CDCA5: variants seen among roughly 807,000 people sequenced by gnomAD.
The protein encoded by CDCA5 is sororin.
In CDCA5, 14 loss-of-function variants were observed where a neutral mutation model predicts 25.7. The ratio of observed to expected loss-of-function variants is 0.54; its 90% CI spans 0.36 to 0.85. CDCA5 has a LOEUF of 0.85. CDCA5 is among the 40% of genes least tolerant of loss of function. The pLI is 0.01. For synonymous variants in CDCA5, 127 were observed against 128.7 expected (o/e 0.99, Z 0.09); for missense variants, 307 against 324.5 (o/e 0.95, Z 0.41).
At chr11:65,068,456 C>T in intron 2 of CDCA5, 4 of 1,206,032 alleles carry the variant, frequency 3.3e-6, no homozygotes, top group Non-Finnish European at 4.4e-6. Context: ...CCCCTGCCCA[C>T]TGCCTTAGGA....
chr11:65,083,444 T>G (rs1433036970), intron 3 of CDCA5, 41 bp downstream of exon 3: 37 of 1,614,026 alleles, frequency 2.3e-5, no homozygotes, highest in Non-Finnish European at 2.7e-5. Flanking sequence ...GTCCCCAGTT[T>G]TGCCCGCCTA....
At chr11:65,079,241 A>G (rs1590797318) in intron 5 of CDCA5, 54 bp from the exon 6 acceptor site, 1 of 1,576,246 alleles carries the variant, frequency 6.3e-7, no homozygotes, top group Admixed American at 1.9e-5. Flanking sequence ...TGGTGGCTGG[A>G]GCATCTCACC....
At chr11:65,064,003 A>G (rs1227660518), downstream of CDCA5, among the ~76,000 whole-genome samples, 1 of 152,188 alleles carries the variant, frequency 6.6e-6, no homozygotes, top group African/African-American at 2.4e-5. Context: ...CGAATCTATA[A>G]GCACTTCTGT....
downstream of CDCA5, among the ~76,000 whole-genome samples, chr11:65,075,060 C>T (rs1474616097): frequency 1.7e-5 from 1 of 59,220 alleles, no homozygotes; most frequent in South Asian, 5.7e-4. Flanking sequence ...GAAACTCCGT[C>T]TCAAAAAAAA....
chr11:65,070,655 T>C (rs1284784797), intron 1 of CDCA5, among the ~76,000 whole-genome samples: 1 of 152,006 alleles, frequency 6.6e-6, no homozygotes, highest in African/African-American at 2.4e-5. Flanking sequence ...CTAATTTGTG[T>C]ATTTTTTGTA....
rs773750589 is a variant in CDCA5 at position 65,079,515 on chromosome 11, C to G, written c.516G>C (p.Leu172=). Reference sequence around the variant, plus strand: ...AGACTCCGGACAAGTCTTCTGCCCCCAGCAGCCCCTCGAAGCCAAAGCAGG... The same window carrying G: ...AGACTCCGGACAAGTCTTCTGCCCCGAGCAGCCCCTCGAAGCCAAAGCAGG... The part of the protein sequence containing the change: ...RRSCFGFEGL[L]GAEDLSGVSP... The change falls in exon 5 of 6, where the codon CTG becomes CTC. Residue 172 remains leucine (L), a synonymous_variant. Transcript: ENST00000275517. 2.5e-6 allele frequency: 4 copies of G among 1,614,208 alleles called. No homozygotes were observed. The highest frequency in any genetic ancestry group is 3.4e-6 in the Non-Finnish European group (4 of 1,180,030).
downstream of CDCA5, among the ~76,000 whole-genome samples, chr11:65,076,954 A>G (rs1947457928): frequency 6.6e-6 from 1 of 152,132 alleles, no homozygotes; most frequent in Non-Finnish European, 1.5e-5. Context: ...TCCTCCTAGA[A>G]GAGGAGCAGA....
At chr11:65,068,304 G>T (rs1219769053) in intron 2 of CDCA5, among the ~76,000 whole-genome samples, 1 of 152,100 alleles carries the variant, frequency 6.6e-6, no homozygotes, top group Non-Finnish European at 1.5e-5. Flanking sequence ...AGGCCCTCCA[G>T]CGCTGAACTC....
intron 4 of CDCA5, chr11:65,067,629 C>T (rs1416367119): frequency 1.5e-5 from 19 of 1,276,096 alleles, no homozygotes; most frequent in Admixed American, 1.2e-4. Context: ...TCACCCTACC[C>T]GCTCCCATCT....
downstream of CDCA5, among the ~76,000 whole-genome samples, chr11:65,062,263 C>T (rs1304048053): frequency 6.6e-6 from 1 of 152,124 alleles, no homozygotes; most frequent in African/African-American, 2.4e-5. Flanking sequence ...ATTCTTGTCC[C>T]CTCTAGTTTT....
chr11:65,075,074 A>G (rs1052502323), downstream of CDCA5, among the ~76,000 whole-genome samples: 72 of 151,142 alleles, frequency 4.8e-4, 1 homozygote, highest in East Asian at 0.013. Context: ...AAAAAAAAAA[A>G]AAAAAAAAGG....
downstream of CDCA5, among the ~76,000 whole-genome samples, chr11:65,064,027 T>C (rs1947209037): frequency 6.6e-6 from 1 of 152,170 alleles, no homozygotes; most frequent in Non-Finnish European, 1.5e-5. Context: ...TTGGAGCTGG[T>C]TGGGGAGGGG....
exon 7 of CDCA5, chr11:65,066,397 C>A (rs1475689282): frequency 4.9e-6 from 6 of 1,225,564 alleles, no homozygotes; most frequent in South Asian, 4.2e-5. Flanking sequence ...CCTGGCCAGG[C>A]CTGACCCTGG....
chr11:65,080,319 G>C (rs543857214), intron 4 of CDCA5, among the ~76,000 whole-genome samples: 1 of 152,178 alleles, frequency 6.6e-6, no homozygotes, highest in African/African-American at 2.4e-5. Context: ...ATCTGCTGGT[G>C]CTGTCGCTTG....
At chr11:65,080,757 T>G (rs1947548282) in intron 4 of CDCA5, among the ~76,000 whole-genome samples, 1 of 152,138 alleles carries the variant, frequency 6.6e-6, no homozygotes, top group African/African-American at 2.4e-5. Flanking sequence ...ATCAGTCACC[T>G]GTCCTGTGCC....
Position 65,083,986 on chromosome 11 carries a change from G to A in CDCA5, c.-8C>T. 1 of 1,606,466 alleles carries A rather than the reference G, an allele frequency of 6.2e-7. No homozygotes were observed. Among genetic ancestry groups the A allele is most frequent in the African/African-American group, 1.3e-5 (1 of 74,838 alleles). ...CGTTCGCCTCCCAGACATAACTTAG[G>A]CTCCGTCTCGAGCTCCTCCAGCGCC... is the stretch of plus-strand genomic sequence containing the variant. On this transcript the variant is annotated 5_prime_UTR_variant, in exon 1 of 6. Transcript: ENST00000275517.
downstream of CDCA5, among the ~76,000 whole-genome samples, chr11:65,077,291 A>G (rs1947464774): frequency 6.7e-6 from 1 of 149,886 alleles, no homozygotes; most frequent in Non-Finnish European, 1.5e-5. Context: ...TGTCTCAAAG[A>G]AAAAAAAAAG....
downstream of CDCA5, among the ~76,000 whole-genome samples, chr11:65,075,701 G>C (rs762679703): frequency 6.6e-6 from 1 of 152,242 alleles, no homozygotes; most frequent in African/African-American, 2.4e-5. Flanking sequence ...TGGATGAGCA[G>C]AGCTTCAGAT....
Position 65,077,809 on chromosome 11 carries a change from G to A in CDCA5, c.*1298C>T. 1.0e-6 allele frequency: 1 copy of A among 985,722 alleles called. No homozygotes were observed. The highest frequency in any genetic ancestry group is 1.7e-5 in the African/African-American group (1 of 57,346). 61.1% of individuals were successfully genotyped at this position (985,722 alleles called of 1,614,324 possible). A position where few individuals can be genotyped will look rare whatever the true frequency, so the allele number is the denominator to read the frequency against. ...GCCTGGCCTGCACCGTTTCATCCAA[G>A]TACCCTGACCCAGCACTCATCTTCC... On this transcript the variant is annotated 3_prime_UTR_variant, in exon 6 of 6. Transcript: ENST00000275517.
Sources: gnomAD v4.1 joint callset for allele counts (sites outside exome capture counted in the v4.1 genomes callset) on GRCh38, gnomAD v4.1.1 for gene constraint, MANE v1.5 for transcripts, NCBI Gene and HGNC (gene_info 2026-07-23, HGNC 2026-07-21) for gene names.